Variants in MON1A observed in about 807,000 individuals in gnomAD.
The protein encoded by MON1A is MON1 vesicular trafficking associated A, also known as vacuolar fusion protein MON1 homolog A.
Under a neutral mutation model 44.6 loss-of-function variants are expected in MON1A, and 29 were observed. That is an observed-to-expected ratio of 0.65 (90% confidence interval 0.48 to 0.89). MON1A has a LOEUF of 0.89. Among genes scored for constraint, MON1A ranks in the 40% least tolerant of loss-of-function variants. MON1A has a pLI of 0.00. For synonymous variants in MON1A, 275 were observed against 316.4 expected (o/e 0.87, Z 1.39); for missense variants, 615 against 759.6 (o/e 0.81, Z 2.24).
rs1456642825 is a variant in MON1A at position 49,909,853 on chromosome 3, G to T, written c.1379+266C>A. On this transcript the variant is annotated intron_variant, in intron 4 of 5. Transcript: ENST00000296473. This position sits in a 1 kb window ranked among gnomAD's most constrained non-coding sequence, Gnocchi z 4.0. ...AAAGTAGAGTTGCTCCAGGGCAAGGGACCCCGGAGACCTCTGTTCCAGTTT... is the reference window on the plus strand; with the variant it reads ...AAAGTAGAGTTGCTCCAGGGCAAGGTACCCCGGAGACCTCTGTTCCAGTTT... 7.1e-6 allele frequency: 3 copies of T among 425,038 alleles called. No homozygotes were observed. The highest frequency in any genetic ancestry group is 5.9e-5 in the African/African-American group (3 of 50,878). 26.3% of individuals were successfully genotyped at this position (425,038 alleles called of 1,614,324 possible).
chr3:49,911,473 T>C lies in MON1A; in HGVS notation c.613+53A>G. On this transcript the variant is annotated intron_variant, in intron 3 of 5. Transcript: ENST00000296473. The surrounding 1 kb of genome is among the most constrained non-coding windows in gnomAD (Gnocchi z 5.7). ...GTCTGCAGGGGTCCAAAACCTGCTATGAATGAACCTTGGCCAGGGGAGCCC... is the reference window on the plus strand; with the variant it reads ...GTCTGCAGGGGTCCAAAACCTGCTACGAATGAACCTTGGCCAGGGGAGCCC... 1 of 1,553,956 alleles carries C rather than the reference T, an allele frequency of 6.4e-7. No individual in the cohort carries two copies. The highest frequency in any genetic ancestry group is 2.2e-5 in the East Asian group (1 of 44,500).
rs1553630683 is a variant in MON1A, at chr3:49,911,221, G to GATAGATAGATGATAGATACATAC, written c.613+304_613+305insGTATGTATCTATCATCTATCTAT. 6.6e-6 allele frequency among the ~76,000 whole-genome samples: 1 copy of GATAGATAGATGATAGATACATAC among 151,110 alleles called. No individual in the cohort carries two copies. Among genetic ancestry groups the GATAGATAGATGATAGATACATAC allele is most frequent in the Non-Finnish European group, 1.5e-5 (1 of 67,840 alleles). ...AGATAGATAGATAGATAGATAGATA[G>GATAGATAGATGATAGATACATAC]ATAGATAGATAGATAGATAGATAGA... On this transcript the variant is annotated intron_variant, in intron 3 of 5. Coordinates refer to ENST00000296473, the MANE Select transcript of MON1A (RefSeq NM_032355.4). The surrounding 1 kb of genome is among the most constrained non-coding windows in gnomAD (Gnocchi z 5.7).
intron 1 of MON1A, among the ~76,000 whole-genome samples, chr3:49,918,384 A>C (rs2082966801): frequency 6.6e-6 from 1 of 151,412 alleles, no homozygotes; most frequent in African/African-American, 2.4e-5. Context: ...TACCACCACG[A>C]GCTTACCTCA....
intron 1 of MON1A, among the ~76,000 whole-genome samples, chr3:49,918,526 C>T (rs570269132): frequency 1.3e-5 from 2 of 151,952 alleles, no homozygotes; most frequent in East Asian, 4.0e-4. Context: ...ATTCTCCTGC[C>T]TCAGCCTCCC....
chr3:49,912,728 A>AT (rs1419904708), intron 2 of MON1A: 1 of 247,402 alleles, frequency 4.0e-6, no homozygotes, highest in Non-Finnish European at 8.0e-6. Context: ...TCCTTTATTG[A>AT]TTTTTTGACA....
At chr3:49,928,072 C>G (rs1434155238) in intron 1 of MON1A, among the ~76,000 whole-genome samples, 1 of 152,166 alleles carries the variant, frequency 6.6e-6, no homozygotes, top group Non-Finnish European at 1.5e-5. Context: ...CTGACTAAGC[C>G]CAGTGTGGCT....
intron 1 of MON1A, among the ~76,000 whole-genome samples, chr3:49,917,976 A>G (rs2082962288): frequency 6.6e-6 from 1 of 152,000 alleles, no homozygotes; most frequent in African/African-American, 2.4e-5. Flanking sequence ...TGAACCCGGG[A>G]GGCGGAAGTT....
rs2082908119 is a variant in MON1A at position 49,913,253 on chromosome 3, G to GGCTCTCA, written c.87_93dup (p.Pro32Ter). ...ATTCCCTGGGCCATTCCTGGTGTGG[G>GGCTCTCA]GCTCTCAGCTCTCTCCATACTCTGT... On this transcript the variant is annotated stop_gained and frameshift_variant, in exon 2 of 6. Transcript: ENST00000296473. LOFTEE classifies it high-confidence loss of function. 2.5e-6 allele frequency: 4 copies of GGCTCTCA among 1,614,054 alleles called. No individual in the cohort carries two copies. The highest frequency in any genetic ancestry group is 1.6e-4 in the Middle Eastern group (1 of 6,084).
intron 1 of MON1A, among the ~76,000 whole-genome samples, 174 bp from the exon 2 acceptor site, chr3:49,913,533 A>G (rs1225257723): frequency 6.6e-6 from 1 of 151,970 alleles, no homozygotes; most frequent in Non-Finnish European, 1.5e-5. Flanking sequence ...TTTTCTGATT[A>G]TAAAAGGAAG....
At position 49,909,229 on chromosome 3, in the gene MON1A, C is replaced by T. The variant is rs879423920; in HGVS notation, c.1527+24G>A. 5 of 1,613,782 alleles carry T rather than the reference C, an allele frequency of 3.1e-6. No individual in the cohort carries two copies. In the Admixed American group the frequency reaches 5.0e-5, roughly 16 times the overall value. ...CCATACCTAGGACCTCCATAAAGCC[C>T]AGCCCATCCCAGGGCTGCCTTACCC... On this transcript the variant is annotated intron_variant, in intron 5 of 5. Transcript: ENST00000296473. The surrounding 1 kb of genome is among the most constrained non-coding windows in gnomAD (Gnocchi z 4.0).
At position 49,929,671 on chromosome 3, in the gene MON1A, T is replaced by C. The variant is rs574804045; in HGVS notation, c.-76A>G. On this transcript the variant is annotated 5_prime_UTR_variant, in exon 1 of 6. The change abolishes an upstream ATG in the 5' untranslated region. Transcript: ENST00000296473. ...CGGTCACTGCCCTCTGCCGGACCCA[T>C]GGAGGGGTAAGGGTGTCCGGCCGGG... 22 of 1,551,258 alleles carry C rather than the reference T, an allele frequency of 1.4e-5. No homozygotes were observed. The South Asian group carries it at 2.1e-4, about 15-fold the overall frequency.
Position 49,909,189 on chromosome 3 carries a change from G to C in MON1A, c.1528-35C>G, listed in dbSNP as rs1051691261. The C allele has an allele frequency of 5.6e-6, 9 of 1,611,062 alleles. No homozygotes were observed. The African/African-American group carries it at 9.4e-5, about 17-fold the overall frequency. On this transcript the variant is annotated intron_variant, in intron 5 of 5. Coordinates refer to ENST00000296473, the MANE Select transcript of MON1A (RefSeq NM_032355.4). This position sits in a 1 kb window ranked among gnomAD's most constrained non-coding sequence, Gnocchi z 4.0. ...GGGCAAAGGGTCGTCATCTAGGTTA[G>C]AGGCCCCTCATGGCCCATACCTAGG...
At chr3:49,929,119 G>A (rs2083073717) in intron 1 of MON1A, among the ~76,000 whole-genome samples, 1 of 152,218 alleles carries the variant, frequency 6.6e-6, no homozygotes, top group African/African-American at 2.4e-5. Flanking sequence ...CTACTCGGGA[G>A]GCTGAGGCAG....
chr3:49,911,883 CTG>C lies in MON1A; in HGVS notation c.254_255del (p.Thr85ArgfsTer10). 4 of 1,614,114 alleles carry C rather than the reference CTG, an allele frequency of 2.5e-6. No homozygotes were observed. The highest frequency in any genetic ancestry group is 3.4e-6 in the Non-Finnish European group (4 of 1,180,004). ...AAGTCCTGGCTGATCTGGCGCATGT[CTG>C]TAGGCAGCGGCGGGGGACCCCTGGT... ...EGTRGPPPLPTDMRQISQDFS... is the reference protein window; with the variant it reads ...EGTRGPPPLPXDMRQISQDFS... On this transcript the variant is annotated frameshift_variant, in exon 3 of 6. Transcript: ENST00000296473. LOFTEE classifies it high-confidence loss of function. The surrounding 1 kb of genome is among the most constrained non-coding windows in gnomAD (Gnocchi z 5.7).
chr3:49,919,540 C>T (rs538207375), intron 1 of MON1A, among the ~76,000 whole-genome samples: 18 of 152,262 alleles, frequency 1.2e-4, no homozygotes, highest in Non-Finnish European at 2.1e-4. Flanking sequence ...AGTGCAGCAG[C>T]GCCATCTCCG....
intron 1 of MON1A, among the ~76,000 whole-genome samples, chr3:49,921,810 C>T (rs1451200107): frequency 6.6e-6 from 1 of 151,746 alleles, no homozygotes; most frequent in African/African-American, 2.4e-5. Flanking sequence ...CAGGCACTTA[C>T]CACTTCTCCC....
rs746758872 is a variant in MON1A, at chr3:49,911,596, A to C, written c.543T>G (p.Thr181=). ...ACACCAGGGCCACCATAACACCCATAGTGCTGGAAAGTGCCTCCTCAGACC... is the reference window on the plus strand; with the variant it reads ...ACACCAGGGCCACCATAACACCCATCGTGCTGGAAAGTGCCTCCTCAGACC... ...RYGSEEALSS[T]MGVMVALVSF... is the part of the protein sequence containing the mutation. Residue 181 remains threonine, a synonymous_variant, in exon 3 of 6, where the codon ACT becomes ACG. Transcript: ENST00000296473. This position sits in a 1 kb window ranked among gnomAD's most constrained non-coding sequence, Gnocchi z 5.7. 33 of 1,614,004 alleles carry C rather than the reference A, an allele frequency of 2.0e-5. No individual in the cohort carries two copies. Among genetic ancestry groups the C allele is most frequent in the Non-Finnish European group, 2.7e-5 (32 of 1,179,992 alleles).
At chr3:49,928,217 G>C (rs1559497271) in intron 1 of MON1A, among the ~76,000 whole-genome samples, 1 of 152,146 alleles carries the variant, frequency 6.6e-6, no homozygotes. Flanking sequence ...CATCTCCTAG[G>C]TCAGTCTGGG....
chr3:49,919,180 T>A lies in MON1A; in HGVS notation c.-13-5821A>T, dbSNP rs556885109. Among the ~76,000 whole-genome samples, 11 of 152,250 alleles carry A rather than the reference T, an allele frequency of 7.2e-5. No homozygotes were observed. In the South Asian group the frequency reaches 2.3e-3, roughly 32 times the overall value. On this transcript the variant is annotated intron_variant, in intron 1 of 5. Coordinates refer to ENST00000296473, the MANE Select transcript of MON1A (RefSeq NM_032355.4). ...CCTGGGTAAAGGGAGTGAGATCCTG[T>A]CTCAAAAACAAAAACCAAACAATTT...
Sources: allele counts gnomAD v4.1 joint callset (sites outside exome capture counted in the v4.1 genomes callset), GRCh38; gene constraint gnomAD v4.1.1; non-coding constraint Gnocchi (gnomAD v3.1); transcripts MANE v1.5; gene names NCBI Gene and HGNC (gene_info 2026-07-23, HGNC 2026-07-21).